The following RPH3A variants were observed in gnomAD, a reference collection of about 807,000 sequenced individuals.
RPH3A encodes the protein rabphilin-3A.
Under a neutral mutation model 102.2 loss-of-function variants are expected in RPH3A, and 48 were observed. That is an observed-to-expected ratio of 0.47 (90% CI 0.37 to 0.60). The LOEUF (loss-of-function observed/expected upper bound fraction) is 0.60. Among genes scored for constraint, RPH3A ranks in the 20% least tolerant of loss-of-function variants. The pLI is 0.00. For missense variants in RPH3A, 781 were observed against 910.1 expected (o/e 0.86, Z 1.83); for synonymous variants, 310 against 324.3 (o/e 0.96, Z 0.47).
At chr12:112,658,832 C>T (rs753559495) in intron 1 of RPH3A, among the ~76,000 whole-genome samples, 1 of 152,120 alleles carries the variant, frequency 6.6e-6, no homozygotes, top group East Asian at 1.9e-4. Context: ...TGGACTGGTG[C>T]CCAGATTGCC....
chr12:112,867,889 G>A (rs1460088453), intron 7 of RPH3A, among the ~76,000 whole-genome samples: 2 of 152,202 alleles, frequency 1.3e-5, no homozygotes, highest in Non-Finnish European at 2.9e-5. Flanking sequence ...GTGGAGTCCA[G>A]TTAGTGCAGC....
At chr12:112,762,340 C>T (rs2136067314) in intron 1 of RPH3A, among the ~76,000 whole-genome samples, 1 of 152,262 alleles carries the variant, frequency 6.6e-6, no homozygotes, top group Admixed American at 6.5e-5. Context: ...TTAGCCTCCT[C>T]CATTTAAGGC....
chr12:112,637,409 A>G (rs998655843), intron 1 of RPH3A, among the ~76,000 whole-genome samples: 2 of 151,824 alleles, frequency 1.3e-5, no homozygotes, highest in Admixed American at 6.6e-5. Flanking sequence ...TCTCCTTCCT[A>G]CCTCCTCCCA....
chr12:112,680,151 G>A (rs1161232665), intron 1 of RPH3A, among the ~76,000 whole-genome samples: 1 of 152,210 alleles, frequency 6.6e-6, no homozygotes, highest in Non-Finnish European at 1.5e-5. Context: ...TATATGCTGA[G>A]CCTGGAGCGG....
In RPH3A at chr12:112,896,912, G is replaced by T. The variant is rs960647436; in HGVS notation, c.*132G>T. 2 of 978,576 alleles carry T rather than the reference G, an allele frequency of 2.0e-6. No homozygotes were observed. The highest frequency in any genetic ancestry group is 3.0e-6 in the Non-Finnish European group (2 of 667,562). 60.6% of individuals were successfully genotyped at this position (978,576 alleles called of 1,614,324 possible). Reference sequence around the variant, plus strand: ...TGCTGATCTCCCTGAGCCTGCCTTTGAGCCCCCGTCACGTTGGGCACTGCT... The same window carrying T: ...TGCTGATCTCCCTGAGCCTGCCTTTTAGCCCCCGTCACGTTGGGCACTGCT... On this transcript the variant is annotated 3_prime_UTR_variant, in exon 22 of 22. Coordinates refer to ENST00000389385, the MANE Select transcript of RPH3A (RefSeq NM_001143854.2).
chr12:112,636,185 T>C (rs1486447332), intron 1 of RPH3A, among the ~76,000 whole-genome samples: 2 of 152,214 alleles, frequency 1.3e-5, no homozygotes, highest in African/African-American at 4.8e-5. Flanking sequence ...ATGGCTGTTT[T>C]AGCTCCTGCC....
intron 1 of RPH3A, among the ~76,000 whole-genome samples, chr12:112,600,347 G>T (rs144343975): frequency 6.6e-6 from 1 of 152,132 alleles, no homozygotes; most frequent in Non-Finnish European, 1.5e-5. Flanking sequence ...CATTATTACC[G>T]ATAACAACCA....
chr12:112,715,818 C>T (rs1592959790), intron 1 of RPH3A, among the ~76,000 whole-genome samples: 1 of 152,274 alleles, frequency 6.6e-6, no homozygotes, highest in East Asian at 1.9e-4. Context: ...AGCAAGTTTA[C>T]TAAGAAAGTA....
chr12:112,798,714 C>A (rs1442306559), intron 2 of RPH3A, among the ~76,000 whole-genome samples: 1 of 152,072 alleles, frequency 6.6e-6, no homozygotes, highest in Admixed American at 6.5e-5. Flanking sequence ...GTGCTAAGCC[C>A]CTAAGTCTCT....
chr12:112,660,643 C>G (rs2040042714), intron 1 of RPH3A, among the ~76,000 whole-genome samples: 1 of 152,190 alleles, frequency 6.6e-6, no homozygotes, highest in South Asian at 2.1e-4. Flanking sequence ...TATGATTTCA[C>G]AATTGCACTC....
At chr12:112,653,220 C>T (rs959073324) in intron 1 of RPH3A, among the ~76,000 whole-genome samples, 1 of 151,818 alleles carries the variant, frequency 6.6e-6, no homozygotes, top group South Asian at 2.1e-4. Context: ...GAAACCCCAT[C>T]GCTACTAAAA....
At chr12:112,594,529 T>A (rs2039502989) in intron 1 of RPH3A, among the ~76,000 whole-genome samples, 1 of 152,328 alleles carries the variant, frequency 6.6e-6, no homozygotes, top group South Asian at 2.1e-4. Flanking sequence ...CATTCGAGTA[T>A]CTTCTGTCCA....
intron 5 of RPH3A, among the ~76,000 whole-genome samples, chr12:112,851,073 G>T (rs1184550761): frequency 6.6e-6 from 1 of 152,154 alleles, no homozygotes; most frequent in Non-Finnish European, 1.5e-5. Flanking sequence ...AGCTATCTGG[G>T]AGAGTTATGA....
intron 1 of RPH3A, among the ~76,000 whole-genome samples, chr12:112,589,591 T>C (rs2135962557): frequency 6.6e-6 from 1 of 152,324 alleles, no homozygotes; most frequent in South Asian, 2.1e-4. Context: ...TGTTTAACAT[T>C]ACACCTCCTC....
rs1274622781 is a variant in RPH3A at position 112,791,783 on chromosome 12, A to G, written c.-369A>G. 1 of 151,222 alleles carries G rather than the reference A, an allele frequency of 6.6e-6. No homozygotes were observed. The highest frequency in any genetic ancestry group is 2.4e-5 in the African/African-American group (1 of 41,102). 9.4% of individuals were successfully genotyped at this position (151,222 alleles called of 1,614,324 possible). On this transcript the variant is annotated 5_prime_UTR_variant, in exon 1 of 22. Coordinates refer to ENST00000389385, the MANE Select transcript of RPH3A (RefSeq NM_001143854.2). Reference sequence around the variant, plus strand: ...TTGCAGTAGTGGTGGCAGCCGCGGCAGAAACTGGCTCTGGGGAAGCAATTG... The same window carrying G: ...TTGCAGTAGTGGTGGCAGCCGCGGCGGAAACTGGCTCTGGGGAAGCAATTG...
Position 112,714,638 on chromosome 12 carries a change from C to T in RPH3A, c.-139-77505C>T, listed in dbSNP as rs576195765. On this transcript the variant is annotated intron_variant, in intron 1 of 21. Transcript: ENST00000543106. ...TTTCAAGTATAGGATTTTCTCTTTC[C>T]GTCTTTCCTGGGCAGTAAAGAGAGC... 6.1e-4 allele frequency among the ~76,000 whole-genome samples: 93 copies of T among 152,254 alleles called. 1 individual carries two copies. In the South Asian group the frequency reaches 0.018, roughly 30 times the overall value.
intron 19 of RPH3A, chr12:112,891,278 A>C (rs752432340): frequency 9.3e-6 from 4 of 431,894 alleles, no homozygotes; most frequent in Non-Finnish European, 1.7e-5. Context: ...TAAGCTAATT[A>C]GTTATAGTAG....
chr12:112,643,569 C>G (rs2039905873), intron 1 of RPH3A, among the ~76,000 whole-genome samples: 1 of 152,204 alleles, frequency 6.6e-6, no homozygotes, highest in African/African-American at 2.4e-5. Context: ...GCTTAAAATC[C>G]AGCCTCACTT....
intron 1 of RPH3A, among the ~76,000 whole-genome samples, chr12:112,677,469 C>T (rs1435025084): frequency 1.4e-5 from 2 of 139,714 alleles, no homozygotes; most frequent in African/African-American, 2.8e-5. Flanking sequence ...TTCCTTCCTT[C>T]CTTCCTTCCT....
Sources: gnomAD v4.1 joint callset for allele counts (sites outside exome capture counted in the v4.1 genomes callset) on GRCh38, gnomAD v4.1.1 for gene constraint, MANE v1.5 for transcripts, NCBI Gene and HGNC (gene_info 2026-07-23, HGNC 2026-07-21) for gene names.